The following IPO11 variants were observed in gnomAD, a reference collection of about 807,000 sequenced individuals.
IPO11 encodes importin-11.
In IPO11, 66 loss-of-function variants were observed where a neutral mutation model predicts 143.2. The ratio of observed to expected loss-of-function variants is 0.46; its 90% CI spans 0.38 to 0.57. The LOEUF (loss-of-function observed/expected upper bound fraction) is 0.57, where lower values mean the gene tolerates loss of function less well. Among genes scored for constraint, IPO11 ranks in the 20% least tolerant of loss-of-function variants. The pLI, the probability that IPO11 is intolerant of heterozygous loss-of-function variation, is 0.00. For synonymous variants in IPO11, 385 were observed against 377.8 expected, an observed-to-expected ratio of 1.02 and a Z score of -0.22; for missense variants, 1,026 against 1,141.0, an observed-to-expected ratio of 0.90 and a Z score of 1.45.
rs57804584 is a variant in IPO11 at position 62,565,093 on chromosome 5, C to T, written c.2582+3836C>T. Among the ~76,000 whole-genome samples the T allele has an allele frequency of 3.6e-3, 548 of 152,262 alleles. 4 individuals are homozygous for T. The highest frequency in any genetic ancestry group is 0.013 in the African/African-American group (534 of 41,532). On this transcript the variant is annotated intron_variant, in intron 27 of 29. Coordinates refer to ENST00000325324, the MANE Select transcript of IPO11 (RefSeq NM_016338.5). Reference sequence around the variant, plus strand: ...CCTTCTTTTTCTCATCTATTTAATGCAGTACCTAATTCTAAAAGATGATTT... The same window carrying T: ...CCTTCTTTTTCTCATCTATTTAATGTAGTACCTAATTCTAAAAGATGATTT...
At chr5:62,462,868 A>G (rs1341887510) in intron 5 of IPO11, among the ~76,000 whole-genome samples, 1 of 148,846 alleles carries the variant, frequency 6.7e-6, no homozygotes, top group Non-Finnish European at 1.5e-5. Context: ...ACTAGGGGAT[A>G]GTTACTGTCA....
At chr5:62,432,136 T>A (rs1744013993) in intron 1 of IPO11, among the ~76,000 whole-genome samples, 1 of 152,202 alleles carries the variant, frequency 6.6e-6, no homozygotes, top group South Asian at 2.1e-4. Context: ...GCTGCTTTCC[T>A]TTTACCACAC....
intron 20 of IPO11, among the ~76,000 whole-genome samples, chr5:62,522,224 A>G (rs1345802030): frequency 6.6e-6 from 1 of 151,780 alleles, no homozygotes; most frequent in African/African-American, 2.4e-5. Context: ...AGGAGCGGAC[A>G]CTAAAAAGCT....
rs575790261 is a variant in IPO11, at chr5:62,530,906, G to C, written c.2089+121G>C. On this transcript the variant is annotated intron_variant, in intron 22 of 29. Transcript: ENST00000325324. The stretch of plus-strand genomic sequence containing the variant: ...AGTTCAACTTCTAGTTTAGATTCAG[G>C]GGATATATGTACACGTTTGTTACAT... The C allele has an allele frequency of 5.9e-5, 42 of 716,514 alleles. No homozygotes were observed. The South Asian group carries it at 6.6e-4, about 11-fold the overall frequency. 44.4% of individuals were successfully genotyped at this position (716,514 alleles called of 1,614,324 possible).
At chr5:62,482,988 C>A in intron 9 of IPO11, 113 bp from the exon 10 acceptor site, 1 of 687,406 alleles carries the variant, frequency 1.5e-6, no homozygotes, top group Non-Finnish European at 2.4e-6. Context: ...AGACTCCACA[C>A]TAAGGTTCAA....
At chr5:62,589,335 A>AGTG (rs2112423928) in intron 27 of IPO11, among the ~76,000 whole-genome samples, 1 of 152,098 alleles carries the variant, frequency 6.6e-6, no homozygotes, top group African/African-American at 2.4e-5. Context: ...GATGTTGGTC[A>AGTG]CCCTCTCATC....
intron 27 of IPO11, among the ~76,000 whole-genome samples, chr5:62,573,500 T>A (rs532751092): frequency 6.6e-6 from 1 of 152,366 alleles, no homozygotes; most frequent in South Asian, 2.1e-4. Flanking sequence ...AGTAGCTATA[T>A]TATACTACAT....
chr5:62,590,291 G>A (rs1049940175), intron 27 of IPO11, among the ~76,000 whole-genome samples: 1 of 152,106 alleles, frequency 6.6e-6, no homozygotes, highest in African/African-American at 2.4e-5. Context: ...ATAAATCAGG[G>A]CTTGTTTCTT....
Position 62,550,418 on chromosome 5 carries a change from C to A in IPO11, c.2302C>A (p.Gln768Lys). 6.2e-7 allele frequency: 1 copy of A among 1,613,114 alleles called. No individual in the cohort carries two copies. The highest frequency in any genetic ancestry group is 8.5e-7 in the Non-Finnish European group (1 of 1,179,440). Residue 768 changes from glutamine to lysine, a missense_variant, in exon 25 of 30, where the codon CAA becomes AAA. This residue lies in a region of IPO11 where 351 missense variants were observed against 358.9 expected (regional missense o/e 0.98). Transcript: ENST00000325324. ...CCCAATACTAGGTCCACAAATGTTT[C>A]AACCGATTTTACCCTATGTTTTCAA... ...VNPILGPQMF[Q>K]PILPYVFKGI...
intron 27 of IPO11, among the ~76,000 whole-genome samples, chr5:62,585,452 C>T (rs886981752): frequency 6.6e-6 from 1 of 152,076 alleles, no homozygotes; most frequent in African/African-American, 2.4e-5. Context: ...CCTGTGAAAG[C>T]CCGGAAACTA....
At chr5:62,418,386 C>T (rs752043182) in intron 1 of IPO11, among the ~76,000 whole-genome samples, 11 of 152,110 alleles carry the variant, frequency 7.2e-5, no homozygotes, top group Non-Finnish European at 1.5e-4. Context: ...CTCCTGACCT[C>T]AGGTGATCCA....
rs529604375 is a variant in IPO11, at chr5:62,471,001, T to C, written c.708+693T>C. 2.0e-5 allele frequency among the ~76,000 whole-genome samples: 3 copies of C among 151,834 alleles called. No homozygotes were observed. In the South Asian group the frequency reaches 6.2e-4, roughly 32 times the overall value. Reference sequence around the variant, plus strand: ...CACCACCATGCCCAGCTAATTTTTGTATTTTTAGTAGAGACGAAGTTTTAC... The same window carrying C: ...CACCACCATGCCCAGCTAATTTTTGCATTTTTAGTAGAGACGAAGTTTTAC... On this transcript the variant is annotated intron_variant, in intron 7 of 29. Transcript: ENST00000325324.
rs1234048823 is a variant in IPO11 at position 62,426,781 on chromosome 5, AGTATT to A, written c.-6-10492_-6-10488del. ...TTTTGTAGGTGTTTTTATTTTGTAT[AGTATT>A]ATATATATATTTTATATTTTAATTT... is the stretch of plus-strand genomic sequence containing the variant. On this transcript the variant is annotated intron_variant, in intron 1 of 29. Transcript: ENST00000325324. Among the ~76,000 whole-genome samples, 5 of 149,360 alleles carry A rather than the reference AGTATT, an allele frequency of 3.3e-5. No homozygotes were observed. The East Asian group carries it at 9.7e-4, about 29-fold the overall frequency.
At chr5:62,489,555 C>T (rs973156808) in intron 14 of IPO11, among the ~76,000 whole-genome samples, 1 of 151,988 alleles carries the variant, frequency 6.6e-6, no homozygotes, top group African/African-American at 2.4e-5. Context: ...GTGATGATCA[C>T]CAGATAGTTT....
chr5:62,476,630 T>C, intron 8 of IPO11, 53 bp from the exon 9 acceptor site: 2 of 1,461,024 alleles, frequency 1.4e-6, no homozygotes, highest in Non-Finnish European at 1.8e-6. Context: ...ATTTTGATGT[T>C]GTCTTGGTTG....
intron 16 of IPO11, among the ~76,000 whole-genome samples, chr5:62,502,604 A>T (rs560859971): frequency 6.6e-6 from 1 of 152,260 alleles, no homozygotes; most frequent in African/African-American, 2.4e-5. Flanking sequence ...TTTTCTCTGC[A>T]CATACTACTA....
At position 62,483,167 on chromosome 5, in the gene IPO11, T is replaced by G. The variant is rs1413061303; in HGVS notation, c.895T>G (p.Ser299Ala). 1 of 1,610,670 alleles carries G rather than the reference T, an allele frequency of 6.2e-7. No homozygotes were observed. The highest frequency in any genetic ancestry group is 8.5e-7 in the Non-Finnish European group (1 of 1,177,692). ...TPLIQRSLEFSVSYVFTEVGE... is the reference protein window; with the variant it reads ...TPLIQRSLEFAVSYVFTEVGE... ...TCTAATTCAGAGATCACTGGAATTT[T>G]CTGTAAGCTATGTTTTTACAGAAGT... The change falls in exon 10 of 30, where the codon TCT (serine) becomes GCT (alanine). Residue 299 changes from serine (S) to alanine (A), a missense_variant. Transcript: ENST00000325324.
intron 29 of IPO11, among the ~76,000 whole-genome samples, chr5:62,608,569 G>C (rs944442977): frequency 2.6e-5 from 4 of 152,108 alleles, no homozygotes; most frequent in African/African-American, 9.7e-5. Context: ...CACGTTATAT[G>C]GTTTCTGCCT....
intron 9 of IPO11, among the ~76,000 whole-genome samples, chr5:62,480,743 A>G (rs1451374600): frequency 6.6e-6 from 1 of 151,828 alleles, no homozygotes. Flanking sequence ...TTTGTCTATT[A>G]CTGATGTATA....
Sources: allele counts gnomAD v4.1 joint callset (sites outside exome capture counted in the v4.1 genomes callset), GRCh38; gene constraint gnomAD v4.1.1; regional missense constraint gnomAD v4.1.1; transcripts MANE v1.5; gene names NCBI Gene and HGNC (gene_info 2026-07-23, HGNC 2026-07-21).